DRC3: variants seen among roughly 807,000 people sequenced by gnomAD.
The protein encoded by DRC3 is dynein regulatory complex subunit 3.
A neutral mutation model predicts 57.6 loss-of-function variants in DRC3; 45 were observed. The ratio of observed to expected loss-of-function variants is 0.78; its 90% CI spans 0.62 to 1.00. The LOEUF (loss-of-function observed/expected upper bound fraction) is 1.00. Ranked by LOEUF, DRC3 falls within the 50% of genes least tolerant of loss-of-function variation. The pLI is 0.00. For synonymous variants in DRC3, 257 were observed against 272.3 expected, an observed-to-expected ratio of 0.94 and a Z score of 0.55; for missense variants, 655 against 675.2, an observed-to-expected ratio of 0.97 and a Z score of 0.33.
At chr17:17,978,135 G>T (rs1323275865) in intron 3 of DRC3, among the ~76,000 whole-genome samples, 1 of 152,210 alleles carries the variant, frequency 6.6e-6, no homozygotes, top group African/African-American at 2.4e-5. Flanking sequence ...CAGAAGCAGA[G>T]GGTAGGAAGT....
chr17:18,009,578 G>GCCTTTTAC (rs1425750247), intron 12 of DRC3, among the ~76,000 whole-genome samples: 8 of 152,314 alleles, frequency 5.3e-5, no homozygotes, highest in African/African-American at 1.9e-4. Context: ...CTGAGGCACA[G>GCCTTTTAC]AGATGAAGGT....
At chr17:17,994,246 G>A (rs956707988) in intron 6 of DRC3, 53 bp from the exon 7 acceptor site, 33 of 1,540,188 alleles carry the variant, frequency 2.1e-5, no homozygotes, top group Admixed American at 5.9e-5. Flanking sequence ...TGGCAGAGGC[G>A]GTGTGGCTCG....
chr17:17,994,245 C>T (rs1447604390), intron 6 of DRC3, 54 bp from the exon 7 acceptor site: 6 of 1,538,220 alleles, frequency 3.9e-6, no homozygotes, highest in Non-Finnish European at 5.3e-6. Flanking sequence ...ATGGCAGAGG[C>T]GGTGTGGCTC....
intron 3 of DRC3, 37 bp from the exon 4 acceptor site, chr17:17,983,791 C>T (rs767582160): frequency 1.3e-5 from 19 of 1,497,054 alleles, no homozygotes; most frequent in African/African-American, 2.8e-5. Flanking sequence ...AAACTCTGAC[C>T]CTAACCTGAG....
rs1168669719 is a variant in DRC3 at position 17,994,281 on chromosome 17, C to T, written c.592-18C>T. On this transcript the variant is annotated intron_variant, in intron 6 of 13. Transcript: ENST00000399187. ...GGAGGAACCTCTGGTAACAATGCCA[C>T]TCCCGTTCCCTGGTCAGAAAAAGCT... The T allele has an allele frequency of 3.9e-6, 6 of 1,550,820 alleles. No homozygotes were observed. The Admixed American group carries it at 5.9e-5, about 15-fold the overall frequency.
At chr17:17,986,480 TTTTTTTG>T (rs1204939062) in intron 4 of DRC3, among the ~76,000 whole-genome samples, 5 of 151,438 alleles carry the variant, frequency 3.3e-5, no homozygotes, top group Admixed American at 3.3e-4. Flanking sequence ...TTTTTTTTTT[TTTTTTTG>T]GACACAAAGC....
chr17:18,003,125 C>T (rs576314838), intron 9 of DRC3, among the ~76,000 whole-genome samples: 14 of 152,136 alleles, frequency 9.2e-5, no homozygotes, highest in African/African-American at 2.6e-4. Context: ...GGCAGATGAG[C>T]GTTAGTTTAA....
At chr17:18,011,446 C>T in intron 12 of DRC3, 1 of 215,640 alleles carries the variant, frequency 4.6e-6, no homozygotes, top group Non-Finnish European at 9.3e-6. Flanking sequence ...TGTCCCCGTG[C>T]AGAGGCCACT....
chr17:18,011,982 C>T (rs1469291204), intron 12 of DRC3, among the ~76,000 whole-genome samples: 2 of 152,172 alleles, frequency 1.3e-5, no homozygotes, highest in African/African-American at 2.4e-5. Flanking sequence ...ACCACCATGC[C>T]TGGTTAATTT....
chr17:17,977,429 C>T (rs1348388244), intron 2 of DRC3, 153 bp from the exon 3 acceptor site: 22 of 878,288 alleles, frequency 2.5e-5, no homozygotes, highest in Non-Finnish European at 3.7e-5. Context: ...CGTAAGTATA[C>T]AAACCCCGAG....
intron 12 of DRC3, chr17:18,007,660 C>T (rs921826135): frequency 1.4e-5 from 19 of 1,364,898 alleles, no homozygotes; most frequent in Middle Eastern, 2.3e-4. Context: ...GGGGTCTGCA[C>T]GCTAAGAAGG....
Position 17,977,770 on chromosome 17 carries a change from A to C in DRC3, c.160+12A>C. On this transcript the variant is annotated intron_variant, in intron 3 of 13. Coordinates refer to ENST00000399187, the MANE Select transcript of DRC3 (RefSeq NM_031294.4). ...GCTGGACTTTCGGAGTATGTATCCAAGGTTCAGGGGTGGTGGCCAGGGTGG... is the reference window on the plus strand; with the variant it reads ...GCTGGACTTTCGGAGTATGTATCCACGGTTCAGGGGTGGTGGCCAGGGTGG... 6.3e-7 allele frequency: 1 copy of C among 1,587,556 alleles called. No individual in the cohort carries two copies. The highest frequency in any genetic ancestry group is 8.6e-7 in the Non-Finnish European group (1 of 1,165,496).
intron 9 of DRC3, 113 bp downstream of exon 9, chr17:17,997,747 G>T: frequency 9.8e-7 from 1 of 1,018,566 alleles, no homozygotes; most frequent in Non-Finnish European, 1.4e-6. Flanking sequence ...TGACCCCTGA[G>T]GCCAATGGTT....
intron 12 of DRC3, among the ~76,000 whole-genome samples, chr17:18,013,369 C>A (rs550661500): frequency 6.6e-6 from 1 of 152,082 alleles, no homozygotes; most frequent in Non-Finnish European, 1.5e-5. Context: ...CAGCACTGTT[C>A]GCAATAACAA....
chr17:18,014,120 A>G (rs2044270227), intron 12 of DRC3, among the ~76,000 whole-genome samples: 1 of 152,046 alleles, frequency 6.6e-6, no homozygotes. Context: ...TTTATTCACC[A>G]TATTGGCCAG....
At chr17:17,978,566 C>A (rs1266366974) in intron 3 of DRC3, among the ~76,000 whole-genome samples, 1 of 152,172 alleles carries the variant, frequency 6.6e-6, no homozygotes, top group Non-Finnish European at 1.5e-5. Flanking sequence ...TGGCCGGCAT[C>A]CAGTCAACAA....
Position 17,977,657 on chromosome 17 carries a change from TG to T in DRC3, c.61del (p.Ala21ProfsTer38). 2 of 1,613,964 alleles carry T rather than the reference TG, an allele frequency of 1.2e-6. No individual in the cohort carries two copies. The highest frequency in any genetic ancestry group is 1.7e-6 in the Non-Finnish European group (2 of 1,179,862). ...PRVMDDDMLKLAVGDQGPQEE... is the reference protein window; with the variant it reads ...PRVMDDDMLKXAVGDQGPQEE... ...GTGATGGACGATGACATGCTCAAGC[TG>T]GCCGTCGGGGACCAGGGCCCCCAGG... is the stretch of plus-strand genomic sequence containing the variant. On this transcript the variant is annotated frameshift_variant, in exon 3 of 14. Transcript: ENST00000399187. LOFTEE classifies it high-confidence loss of function.
At chr17:17,980,308 G>A (rs1393164110) in intron 3 of DRC3, among the ~76,000 whole-genome samples, 1 of 151,164 alleles carries the variant, frequency 6.6e-6, no homozygotes, top group Non-Finnish European at 1.5e-5. Context: ...TAGAGACGGA[G>A]TCTCGCTCTG....
At position 17,990,425 on chromosome 17, in the gene DRC3, C is replaced by T. The variant is rs77973081; in HGVS notation, c.444+2327C>T. On this transcript the variant is annotated intron_variant, in intron 5 of 13. Transcript: ENST00000399187. ...CAACTTCTTCCCAGCCCTCTCCCCG[C>T]ATTCTGCAGCCACCCTGGCCTTTGC... is the stretch of plus-strand genomic sequence containing the variant. 1.8e-4 allele frequency among the ~76,000 whole-genome samples: 28 copies of T among 152,356 alleles called. No individual in the cohort carries two copies. In the East Asian group the frequency reaches 5.2e-3, roughly 28 times the overall value.
Sources: allele counts gnomAD v4.1 joint callset (sites outside exome capture counted in the v4.1 genomes callset), GRCh38; gene constraint gnomAD v4.1.1; transcripts MANE v1.5; gene names NCBI Gene and HGNC (gene_info 2026-07-23, HGNC 2026-07-21).